The following DEPDC5 variants were observed in gnomAD, a reference collection of about 807,000 sequenced individuals.
The protein encoded by DEPDC5 is DEP domain containing 5, GATOR1 subcomplex subunit, also known as GATOR1 complex protein DEPDC5.
Under a neutral mutation model 217.3 loss-of-function variants are expected in DEPDC5, and 73 were observed. That is an observed-to-expected ratio of 0.34 (90% CI 0.28 to 0.41). DEPDC5 has a LOEUF of 0.41. Among genes scored for constraint, DEPDC5 ranks in the 10% least tolerant of loss-of-function variants. DEPDC5 has a pLI of 1.00. For missense variants in DEPDC5, 1,675 were observed against 2,070.1 expected, an observed-to-expected ratio of 0.81 and a Z score of 3.70; for synonymous variants, 733 against 756.7, an observed-to-expected ratio of 0.97 and a Z score of 0.51.
chr22:31,902,427 T>C (rs1602965754), intron 41 of DEPDC5, among the ~76,000 whole-genome samples: 1 of 142,402 alleles, frequency 7.0e-6, no homozygotes, highest in African/African-American at 2.5e-5. Flanking sequence ...TATATATATA[T>C]ATATATATAC....
intron 30 of DEPDC5, 74 bp downstream of exon 30, chr22:31,845,311 T>C (rs887914631): frequency 1.3e-6 from 2 of 1,523,310 alleles, no homozygotes; most frequent in African/African-American, 2.8e-5. Context: ...ATTAGGGGCC[T>C]CTCATCATCA....
chr22:31,896,104 A>G (rs574382317), intron 39 of DEPDC5, among the ~76,000 whole-genome samples: 2 of 152,142 alleles, frequency 1.3e-5, no homozygotes, highest in South Asian at 2.1e-4. Context: ...ATTTCCTTAG[A>G]GGAATTTAGC....
At chr22:31,905,427 G>A (rs545439923) in intron 41 of DEPDC5, among the ~76,000 whole-genome samples, 20 of 150,360 alleles carry the variant, frequency 1.3e-4, no homozygotes, top group South Asian at 2.2e-4. Context: ...GCAGTGAGCC[G>A]AGATCATGCC....
rs1383795440 is a variant in DEPDC5, at chr22:31,754,865, G to C, written c.-57G>C. On this transcript the variant is annotated 5_prime_UTR_variant, in exon 2 of 43. Coordinates refer to ENST00000651528, the MANE Select transcript of DEPDC5 (RefSeq NM_001242896.3). ...TTCGTTTGTATTTCTGTGGCAGGGA[G>C]GCAAGATGACTTCTCTGCCCCAAGC... is the stretch of plus-strand genomic sequence containing the variant. 10 of 1,592,994 alleles carry C rather than the reference G, an allele frequency of 6.3e-6. No homozygotes were observed. The highest frequency in any genetic ancestry group is 8.6e-6 in the Non-Finnish European group (10 of 1,162,736).
chr22:31,855,699 G>A lies in DEPDC5; in HGVS notation c.3156-1746G>A, dbSNP rs372176204. 2.8e-4 allele frequency among the ~76,000 whole-genome samples: 43 copies of A among 152,132 alleles called. No homozygotes were observed. In the South Asian group the frequency reaches 5.2e-3, roughly 18 times the overall value. On this transcript the variant is annotated intron_variant, in intron 31 of 42. Transcript: ENST00000651528. ...GGCCAACTTCAAAATATTTCATGTG[G>A]GTAGGCAGGGTGTATGGATGAAACC...
Position 31,815,041 on chromosome 22 carries a change from G to A in DEPDC5, c.1495G>A (p.Asp499Asn). ...SHSRKSASSC[D>N]VSSSPSLPSR... ...CAGTCGAAAGAGTGCCAGCTCCTGT[G>A]ATGTTTCATCCAGCCCTTCCCTACC... The change falls in exon 21 of 43, where the codon GAT becomes AAT. Residue 499 changes from aspartate to asparagine, a missense_variant. This residue lies in a region of DEPDC5 where 628 missense variants were observed against 762.1 expected (regional missense o/e 0.82). Coordinates refer to ENST00000651528, the MANE Select transcript of DEPDC5 (RefSeq NM_001242896.3). The A allele has an allele frequency of 6.2e-7, 1 of 1,614,190 alleles. No individual in the cohort carries two copies. The highest frequency in any genetic ancestry group is 8.5e-7 in the Non-Finnish European group (1 of 1,180,032).
chr22:31,864,518 ATATATATT>A (rs200581947), intron 33 of DEPDC5, among the ~76,000 whole-genome samples: 2,389 of 137,952 alleles, frequency 0.017, 99 homozygotes, highest in African/African-American at 0.053. Context: ...ATATATATAT[ATATATATT>A]TATATATTTA....
intron 31 of DEPDC5, chr22:31,852,984 G>A (rs2092110747): frequency 6.6e-6 from 1 of 152,400 alleles, no homozygotes; most frequent in Non-Finnish European, 1.5e-5. Context: ...ACACGGCAGG[G>A]TGCCTACGGT....
chr22:31,892,237 G>A (rs1311337227), intron 38 of DEPDC5, among the ~76,000 whole-genome samples: 2 of 152,196 alleles, frequency 1.3e-5, no homozygotes, highest in African/African-American at 2.4e-5. Context: ...CTCCCTGGCT[G>A]CCATTTCCTC....
At chr22:31,839,693 C>A (rs539646878) in intron 27 of DEPDC5, among the ~76,000 whole-genome samples, 2 of 151,388 alleles carry the variant, frequency 1.3e-5, no homozygotes, top group East Asian at 3.9e-4. Context: ...TTTGAAAGCC[C>A]CTTGTGACAT....
chr22:31,877,452 A>C (rs1359392803), intron 37 of DEPDC5, among the ~76,000 whole-genome samples: 3 of 146,300 alleles, frequency 2.1e-5, no homozygotes, highest in Non-Finnish European at 4.5e-5. Context: ...AAAAAAAAAA[A>C]AAAAAAAAAA....
At chr22:31,832,153 A>G (rs2090649786) in intron 24 of DEPDC5, among the ~76,000 whole-genome samples, 1 of 152,236 alleles carries the variant, frequency 6.6e-6, no homozygotes, top group Admixed American at 6.5e-5. Flanking sequence ...ATGAACTACA[A>G]TTTGTTTATC....
intron 26 of DEPDC5, among the ~76,000 whole-genome samples, chr22:31,838,297 C>A (rs772687630): frequency 2.8e-4 from 43 of 151,724 alleles, no homozygotes; most frequent in Non-Finnish European, 5.6e-4. Context: ...ATTATATTTT[C>A]TTTTCTCTAT....
intron 22 of DEPDC5, among the ~76,000 whole-genome samples, chr22:31,819,871 G>T (rs2148808903): frequency 6.6e-6 from 1 of 151,962 alleles, no homozygotes; most frequent in African/African-American, 2.4e-5. Context: ...AGATCTCTTG[G>T]ATATTGATAT....
chr22:31,791,642 A>AAAAG (rs1394550305), intron 10 of DEPDC5, among the ~76,000 whole-genome samples: 1 of 148,002 alleles, frequency 6.8e-6, no homozygotes, highest in Non-Finnish European at 1.5e-5. Context: ...AAAAAAAAAA[A>AAAAG]AAAGGGCTGG....
chr22:31,880,933 T>C (rs2093156068), intron 38 of DEPDC5, among the ~76,000 whole-genome samples: 1 of 151,474 alleles, frequency 6.6e-6, no homozygotes, highest in Non-Finnish European at 1.5e-5. Context: ...GAGAATGGCA[T>C]GAACCTGGGC....
At chr22:31,870,479 T>C (rs1602587322) in intron 33 of DEPDC5, 111 bp from the exon 34 acceptor site, 1 of 1,187,758 alleles carries the variant, frequency 8.4e-7, no homozygotes, top group East Asian at 3.0e-5. Context: ...CATTAATTTT[T>C]GTTTATTTTT....
intron 29 of DEPDC5, among the ~76,000 whole-genome samples, chr22:31,844,312 T>C (rs1410309650): frequency 6.6e-6 from 1 of 152,194 alleles, no homozygotes; most frequent in Non-Finnish European, 1.5e-5. Flanking sequence ...CCGAAGTGCT[T>C]GAGCCCAGGA....
At chr22:31,830,114 G>C (rs1046350206) in intron 24 of DEPDC5, among the ~76,000 whole-genome samples, 18 of 152,224 alleles carry the variant, frequency 1.2e-4, no homozygotes, top group African/African-American at 4.3e-4. Flanking sequence ...TTTTTTTATG[G>C]GTAAGTGCTG....
Sources: allele counts gnomAD v4.1 joint callset (sites outside exome capture counted in the v4.1 genomes callset), GRCh38; gene constraint gnomAD v4.1.1; regional missense constraint gnomAD v4.1.1; transcripts MANE v1.5; gene names NCBI Gene and HGNC (gene_info 2026-07-23, HGNC 2026-07-21).